The following MAGI2 variants were observed in gnomAD, a reference collection of about 807,000 sequenced individuals.
The protein encoded by MAGI2 is membrane-associated guanylate kinase, WW and PDZ domain-containing protein 2.
Under a neutral mutation model 133.3 loss-of-function variants are expected in MAGI2, and 35 were observed. That is an observed-to-expected ratio of 0.26 (90% CI 0.20 to 0.35). The LOEUF is 0.35. MAGI2 is among the 10% of genes least tolerant of loss of function. MAGI2 has a pLI of 1.00. For synonymous variants in MAGI2, 729 were observed against 710.6 expected (o/e 1.03, Z -0.41); for missense variants, 1,636 against 1,863.4 (o/e 0.88, Z 2.25).
chr7:79,225,216 C>A (rs1284301272), intron 1 of MAGI2, among the ~76,000 whole-genome samples: 1 of 152,120 alleles, frequency 6.6e-6, no homozygotes. Context: ...AAATATAGAA[C>A]CCGTGCCTGA....
intron 2 of MAGI2, among the ~76,000 whole-genome samples, chr7:78,791,546 T>C (rs867493823): frequency 9.9e-5 from 15 of 151,186 alleles, no homozygotes; most frequent in Admixed American, 5.3e-4. Context: ...ACAATCTTTT[T>C]TTTTTTTTTT....
intron 1 of MAGI2, among the ~76,000 whole-genome samples, chr7:79,183,154 A>T (rs10224247): frequency 0.8 from 121,632 of 151,624 alleles, 49,509 homozygotes; most frequent in Non-Finnish European, 0.87. Context: ...GTGACTGTAG[A>T]TACAACCATA....
rs868790827 is a variant in MAGI2, at chr7:79,049,103, T to C, written c.302-41897A>G. Among the ~76,000 whole-genome samples the C allele has an allele frequency of 4.6e-5, 7 of 152,154 alleles. No individual in the cohort carries two copies. In the South Asian group the frequency reaches 1.5e-3, roughly 32 times the overall value. ...ACATGCTCCACCTCTAGGGAAGTTA[T>C]TGCTTTCATAATCTTTAATGTTACT... On this transcript the variant is annotated intron_variant, in intron 1 of 21. Transcript: ENST00000354212.
At chr7:79,357,832 T>TA (rs1411750971) in intron 1 of MAGI2, among the ~76,000 whole-genome samples, 1 of 152,120 alleles carries the variant, frequency 6.6e-6, no homozygotes, top group Non-Finnish European at 1.5e-5. Flanking sequence ...TTTTTAACTA[T>TA]AAAAAAACCT....
chr7:78,887,026 C>A (rs932539851), intron 2 of MAGI2, among the ~76,000 whole-genome samples: 1 of 152,110 alleles, frequency 6.6e-6, no homozygotes, highest in Non-Finnish European at 1.5e-5. Context: ...TGAGGAAGAA[C>A]ATGTTTGTTT....
intron 5 of MAGI2, among the ~76,000 whole-genome samples, chr7:78,499,553 C>T (rs1262648877): frequency 6.6e-6 from 1 of 152,172 alleles, no homozygotes; most frequent in Non-Finnish European, 1.5e-5. Context: ...TTACTATATA[C>T]CTGGAACATA....
At chr7:78,879,658 TTC>T (rs1795692967) in intron 2 of MAGI2, among the ~76,000 whole-genome samples, 1 of 152,080 alleles carries the variant, frequency 6.6e-6, no homozygotes, top group Non-Finnish European at 1.5e-5. Context: ...AGCACAAGAA[TTC>T]TGTTACCATA....
At chr7:78,363,555 A>G (rs1793072302) in intron 7 of MAGI2, among the ~76,000 whole-genome samples, 1 of 133,476 alleles carries the variant, frequency 7.5e-6, no homozygotes, top group Admixed American at 8.2e-5. Flanking sequence ...CACTGTTTTT[A>G]TTCATTGTGG....
intron 20 of MAGI2, among the ~76,000 whole-genome samples, chr7:78,122,020 T>C (rs1820518705): frequency 6.6e-6 from 1 of 152,092 alleles, no homozygotes; most frequent in Non-Finnish European, 1.5e-5. Context: ...TTCAGTTACA[T>C]AAAGTTCACA....
intron 1 of MAGI2, among the ~76,000 whole-genome samples, chr7:79,296,258 A>G (rs1563088511): frequency 6.6e-6 from 1 of 152,188 alleles, no homozygotes; most frequent in Non-Finnish European, 1.5e-5. Context: ...TCAGACTACA[A>G]TATCAGAAAT....
chr7:78,085,623 T>A (rs934942676), intron 20 of MAGI2, among the ~76,000 whole-genome samples: 1 of 148,786 alleles, frequency 6.7e-6, no homozygotes, highest in African/African-American at 2.5e-5. Context: ...CAGCATCTCT[T>A]GAGAAACTTC....
chr7:78,906,988 C>T (rs375895590), intron 2 of MAGI2, among the ~76,000 whole-genome samples: 1 of 152,130 alleles, frequency 6.6e-6, no homozygotes, highest in African/African-American at 2.4e-5. Context: ...TCCAGCCGAC[C>T]TTTGATCTCA....
intron 16 of MAGI2, among the ~76,000 whole-genome samples, chr7:78,157,178 G>A (rs1182539416): frequency 3.3e-5 from 5 of 152,222 alleles, no homozygotes; most frequent in Non-Finnish European, 5.9e-5. Context: ...TAAATGCAAC[G>A]TGCCATCAGT....
intron 1 of MAGI2, among the ~76,000 whole-genome samples, chr7:79,067,847 C>T (rs1033211868): frequency 6.6e-6 from 1 of 152,168 alleles, no homozygotes; most frequent in Admixed American, 6.5e-5. Flanking sequence ...GCCTTTTCTG[C>T]ATCTATTGAG....
At chr7:78,872,578 G>A (rs149509830) in intron 2 of MAGI2, among the ~76,000 whole-genome samples, 168 of 142,464 alleles carry the variant, frequency 1.2e-3, no homozygotes, top group African/African-American at 3.9e-3. Context: ...TGATAGTCCC[G>A]TTTATATCAG....
At position 78,758,966 on chromosome 7, in the gene MAGI2, C is replaced by CT. The variant is rs1207951116; in HGVS notation, c.419-131728dup. 4.6e-5 allele frequency among the ~76,000 whole-genome samples: 7 copies of CT among 152,266 alleles called. 1 individual carries two copies. The East Asian group carries it at 1.4e-3, about 29-fold the overall frequency. On this transcript the variant is annotated intron_variant, in intron 2 of 21. Coordinates refer to ENST00000354212, the MANE Select transcript of MAGI2 (RefSeq NM_012301.4). Reference sequence around the variant, plus strand: ...TCTATCTCCCACACTAAATTATGAGCTTCTTATGGGCCTAAATATATCTTT... The same window carrying CT: ...TCTATCTCCCACACTAAATTATGAGCTTTCTTATGGGCCTAAATATATCTTT...
intron 2 of MAGI2, among the ~76,000 whole-genome samples, chr7:78,865,434 CA>C (rs1373810164): frequency 3.3e-5 from 5 of 152,002 alleles, no homozygotes; most frequent in African/African-American, 1.2e-4. Context: ...TGGACAGAAA[CA>C]AAAGGGGGTG....
At chr7:78,937,078 G>GA (rs1029891039) in intron 2 of MAGI2, among the ~76,000 whole-genome samples, 3 of 151,790 alleles carry the variant, frequency 2.0e-5, no homozygotes, top group Admixed American at 6.6e-5. Context: ...TTCCGGGGAA[G>GA]AAAAAATACT....
At chr7:79,437,180 C>T (rs1447990349) in intron 1 of MAGI2, among the ~76,000 whole-genome samples, 1 of 152,016 alleles carries the variant, frequency 6.6e-6, no homozygotes, top group East Asian at 1.9e-4. Context: ...ACAATAGACA[C>T]TGGGGACTAC....
Sources: gnomAD v4.1 joint callset for allele counts (sites outside exome capture counted in the v4.1 genomes callset) on GRCh38, gnomAD v4.1.1 for gene constraint, MANE v1.5 for transcripts, NCBI Gene and HGNC (gene_info 2026-07-23, HGNC 2026-07-21) for gene names.